NELL1: variants seen among roughly 807,000 people sequenced by gnomAD.
NELL1 encodes neural EGFL like 1, also known as protein kinase C-binding protein NELL1.
NELL1 carries 76 observed loss-of-function variants against 107.4 expected under a neutral mutation model. That is an observed-to-expected ratio of 0.71 (90% CI 0.59 to 0.86). The LOEUF (loss-of-function observed/expected upper bound fraction) is 0.86, where lower values mean the gene tolerates loss of function less well. Ranked by LOEUF, NELL1 falls within the 40% of genes least tolerant of loss-of-function variation. The pLI is 0.00. For synonymous variants in NELL1, 353 were observed against 341.2 expected, an observed-to-expected ratio of 1.03 and a Z score of -0.38; for missense variants, 1,024 against 1,005.5, an observed-to-expected ratio of 1.02 and a Z score of -0.25.
intron 16 of NELL1, among the ~76,000 whole-genome samples, chr11:21,555,646 G>A (rs1216644746): frequency 2.0e-5 from 3 of 151,864 alleles, no homozygotes; most frequent in African/African-American, 7.2e-5. Flanking sequence ...GTTTGGGGCT[G>A]GAACAGTGAG....
intron 15 of NELL1, among the ~76,000 whole-genome samples, chr11:21,375,621 C>T (rs1033105769): frequency 6.6e-6 from 1 of 152,060 alleles, no homozygotes; most frequent in Non-Finnish European, 1.5e-5. Context: ...TTTGAGATAT[C>T]TCCAAACTGC....
chr11:20,699,692 C>T (rs1854721930), intron 2 of NELL1, among the ~76,000 whole-genome samples: 3 of 152,176 alleles, frequency 2.0e-5, no homozygotes, highest in Admixed American at 2.0e-4. Flanking sequence ...GGTAGATGGG[C>T]ATTTAGGCTG....
intron 12 of NELL1, among the ~76,000 whole-genome samples, chr11:21,044,557 G>A (rs745725700): frequency 2.0e-5 from 3 of 152,116 alleles, no homozygotes; most frequent in Non-Finnish European, 4.4e-5. Flanking sequence ...CGATACCAGA[G>A]CATGTATATA....
intron 14 of NELL1, among the ~76,000 whole-genome samples, chr11:21,252,751 C>G (rs985267890): frequency 6.6e-5 from 10 of 152,034 alleles, no homozygotes; most frequent in African/African-American, 2.4e-4. Flanking sequence ...GTAGAGCTAT[C>G]CAAAGAAGGA....
At chr11:21,477,238 C>T (rs1446095897) in intron 15 of NELL1, among the ~76,000 whole-genome samples, 2 of 152,066 alleles carry the variant, frequency 1.3e-5, no homozygotes, top group African/African-American at 2.4e-5. Flanking sequence ...GTAAAGAGGA[C>T]TTTGCCTTGT....
At chr11:21,333,346 A>G (rs1850313392) in intron 14 of NELL1, among the ~76,000 whole-genome samples, 1 of 152,074 alleles carries the variant, frequency 6.6e-6, no homozygotes, top group Non-Finnish European at 1.5e-5. Flanking sequence ...AGGTGAAATC[A>G]GACAATGTAG....
chr11:20,774,892 C>T (rs1413953975), intron 2 of NELL1, among the ~76,000 whole-genome samples: 2 of 151,864 alleles, frequency 1.3e-5, no homozygotes, highest in African/African-American at 4.8e-5. Flanking sequence ...AGATTCTTGA[C>T]AATCAGTGTG....
intron 16 of NELL1, among the ~76,000 whole-genome samples, chr11:21,546,288 A>G (rs542795757): frequency 6.6e-6 from 1 of 152,002 alleles, no homozygotes; most frequent in Non-Finnish European, 1.5e-5. Flanking sequence ...ATTGAATTCC[A>G]TGTAGTTTCA....
intron 12 of NELL1, among the ~76,000 whole-genome samples, chr11:21,066,199 A>G (rs185198587): frequency 1.4e-3 from 217 of 152,284 alleles, no homozygotes; most frequent in Admixed American, 2.0e-3. Flanking sequence ...CAAGCTGCCA[A>G]TCTCTTCACA....
chr11:21,293,510 G>A lies in NELL1; in HGVS notation c.1549+64056G>A, dbSNP rs558785053. 8.5e-5 allele frequency among the ~76,000 whole-genome samples: 13 copies of A among 152,294 alleles called. No individual in the cohort carries two copies. The East Asian group carries it at 2.3e-3, about 27-fold the overall frequency. On this transcript the variant is annotated intron_variant, in intron 14 of 19. Transcript: ENST00000357134. ...AGTGTAAACTAGTTCAACCATTGTG[G>A]AAGACAGTGTGGTGATTCCTCAAGG...
intron 2 of NELL1, among the ~76,000 whole-genome samples, chr11:20,711,236 GC>G (rs879552557): frequency 2.0e-5 from 3 of 151,914 alleles, no homozygotes; most frequent in Non-Finnish European, 4.4e-5. Context: ...CCTATTATGA[GC>G]TTTTTCCACC....
intron 2 of NELL1, among the ~76,000 whole-genome samples, chr11:20,757,289 A>G (rs1186846580): frequency 3.3e-5 from 5 of 151,984 alleles, no homozygotes; most frequent in African/African-American, 1.2e-4. Context: ...TATCACCCCA[A>G]TCAGAATTCA....
chr11:21,325,890 A>T (rs1850120666), intron 14 of NELL1, among the ~76,000 whole-genome samples: 1 of 151,164 alleles, frequency 6.6e-6, no homozygotes, highest in Non-Finnish European at 1.5e-5. Flanking sequence ...ATAATATAAA[A>T]CTCTTTTTGA....
intron 12 of NELL1, among the ~76,000 whole-genome samples, chr11:21,057,229 A>T (rs1853634355): frequency 6.6e-6 from 1 of 152,154 alleles, no homozygotes. Context: ...AAACTGTTAA[A>T]TTTCTCTGCT....
At chr11:21,458,027 A>ATAGG (rs1853794754) in intron 15 of NELL1, among the ~76,000 whole-genome samples, 1 of 152,026 alleles carries the variant, frequency 6.6e-6, no homozygotes, top group Admixed American at 6.6e-5. Flanking sequence ...CAGGTGATGG[A>ATAGG]GACCAAGGCC....
At chr11:20,834,723 CA>C (rs997351215) in intron 3 of NELL1, among the ~76,000 whole-genome samples, 1 of 150,858 alleles carries the variant, frequency 6.6e-6, no homozygotes, top group African/African-American at 2.4e-5. Context: ...AAAAAACAAA[CA>C]AAAAAAACCC....
intron 5 of NELL1, among the ~76,000 whole-genome samples, chr11:20,890,533 C>T (rs1325925579): frequency 6.6e-6 from 1 of 151,994 alleles, no homozygotes; most frequent in East Asian, 1.9e-4. Context: ...CAGAAGCAGG[C>T]TTCAGAAGGT....
intron 12 of NELL1, among the ~76,000 whole-genome samples, chr11:21,101,814 A>C (rs148498729): frequency 2.8e-3 from 431 of 151,918 alleles, no homozygotes; most frequent in African/African-American, 9.2e-3. Flanking sequence ...ATGGTAGTTT[A>C]TTTTGCTGTG....
intron 15 of NELL1, among the ~76,000 whole-genome samples, chr11:21,397,340 T>A (rs1852004336): frequency 6.6e-6 from 1 of 151,572 alleles, no homozygotes; most frequent in South Asian, 2.1e-4. Flanking sequence ...TCCATTGATT[T>A]TTGTCATTTA....
Sources: allele counts gnomAD v4.1 joint callset (sites outside exome capture counted in the v4.1 genomes callset), GRCh38; gene constraint gnomAD v4.1.1; transcripts MANE v1.5; gene names NCBI Gene and HGNC (gene_info 2026-07-23, HGNC 2026-07-21).